The following SRGAP1 variants were observed in gnomAD, a reference collection of about 807,000 sequenced individuals.
SRGAP1 encodes SLIT-ROBO Rho GTPase-activating protein 1.
Under a neutral mutation model 121.9 loss-of-function variants are expected in SRGAP1, and 43 were observed. The ratio of observed to expected loss-of-function variants is 0.35; its 90% confidence interval spans 0.28 to 0.46. The LOEUF (loss-of-function observed/expected upper bound fraction) is 0.46. Ranked by LOEUF, SRGAP1 falls within the 20% of genes least tolerant of loss-of-function variation. The probability of loss-of-function intolerance (pLI) is 1.00; values close to 1 mark genes in which losing one functional copy is unlikely to be tolerated. For missense variants in SRGAP1, 1,102 were observed against 1,350.9 expected (o/e 0.82, Z 2.89); for synonymous variants, 447 against 485.4 (o/e 0.92, Z 1.04).
intron 8 of SRGAP1, among the ~76,000 whole-genome samples, chr12:64,074,559 G>T (rs2035700098): frequency 6.6e-6 from 1 of 152,018 alleles, no homozygotes; most frequent in African/African-American, 2.4e-5. Flanking sequence ...CCTCTGCCTG[G>T]AATGCCCTTT....
At chr12:64,073,074 G>A (rs917819649) in intron 8 of SRGAP1, among the ~76,000 whole-genome samples, 1 of 152,058 alleles carries the variant, frequency 6.6e-6, no homozygotes, top group Non-Finnish European at 1.5e-5. Context: ...CATATTAGCT[G>A]TTTCATATTT....
chr12:64,055,641 G>T (rs2035326397), intron 6 of SRGAP1, among the ~76,000 whole-genome samples: 1 of 151,980 alleles, frequency 6.6e-6, no homozygotes, highest in South Asian at 2.1e-4. Flanking sequence ...GCATGGTACT[G>T]GTACCAAAAC....
intron 18 of SRGAP1, among the ~76,000 whole-genome samples, chr12:64,121,232 C>T (rs1475804656): frequency 1.3e-5 from 2 of 151,948 alleles, no homozygotes; most frequent in Non-Finnish European, 2.9e-5. Flanking sequence ...AGGCTGGTCT[C>T]AAACTCCTGG....
chr12:63,887,610 T>C (rs1245308726), intron 1 of SRGAP1: 1 of 152,184 alleles, frequency 6.6e-6, no homozygotes, highest in Non-Finnish European at 1.5e-5. Context: ...GATCATCACT[T>C]CTAGAAACTC....
chr12:64,023,700 A>C (rs993463044), intron 4 of SRGAP1, among the ~76,000 whole-genome samples: 4 of 152,200 alleles, frequency 2.6e-5, no homozygotes, highest in African/African-American at 9.7e-5. Context: ...GAGGTAACCT[A>C]TCCTCAAGTT....
intron 12 of SRGAP1, among the ~76,000 whole-genome samples, chr12:64,092,833 A>G (rs1338159798): frequency 6.6e-6 from 1 of 152,202 alleles, no homozygotes; most frequent in Non-Finnish European, 1.5e-5. Flanking sequence ...GTTGTATTTG[A>G]TAATACAGTA....
intron 1 of SRGAP1, among the ~76,000 whole-genome samples, chr12:63,927,694 A>G (rs765085467): frequency 2.6e-5 from 4 of 151,944 alleles, no homozygotes; most frequent in Non-Finnish European, 5.9e-5. Context: ...TGTTTCCTTT[A>G]TGGGCTCATG....
intron 15 of SRGAP1, among the ~76,000 whole-genome samples, chr12:64,098,669 C>CAAA (rs569203182): frequency 4.9e-5 from 7 of 143,138 alleles, no homozygotes; most frequent in African/African-American, 1.1e-4. Context: ...GACTCTGTCT[C>CAAA]AAAAAAAAAT....
At chr12:63,911,142 A>G (rs1034811436) in intron 1 of SRGAP1, among the ~76,000 whole-genome samples, 19 of 151,960 alleles carry the variant, frequency 1.3e-4, no homozygotes, top group African/African-American at 4.6e-4. Context: ...TACTAAAAAC[A>G]CAAAAAATTA....
intron 1 of SRGAP1, among the ~76,000 whole-genome samples, chr12:63,849,102 C>G (rs1009313535): frequency 1.3e-5 from 2 of 152,114 alleles, no homozygotes; most frequent in African/African-American, 2.4e-5. Flanking sequence ...GTCAAATTCT[C>G]AAAGACTTAG....
chr12:64,063,090 G>T lies in SRGAP1; in HGVS notation c.975G>T (p.Ala325=), dbSNP rs745401734. ...KQRFMEMYPA[A]FCPPMKFEFQ... is the part of the protein sequence containing the mutation. ...GATTCATGGAGATGTACCCTGCTGCGTTCTGTCCACCAATGAAGTTTGAGT... is the reference window on the plus strand; with the variant it reads ...GATTCATGGAGATGTACCCTGCTGCTTTCTGTCCACCAATGAAGTTTGAGT... The change falls in exon 7 of 22, where the codon GCG becomes GCT. Residue 325 remains alanine, a synonymous_variant. Coordinates refer to ENST00000355086, the MANE Select transcript of SRGAP1 (RefSeq NM_020762.4). 6.2e-7 allele frequency: 1 copy of T among 1,614,030 alleles called. No homozygotes were observed. Among genetic ancestry groups the T allele is most frequent in the Non-Finnish European group, 8.5e-7 (1 of 1,179,952 alleles).
At chr12:64,065,245 C>G (rs769709280) in intron 8 of SRGAP1, 26 bp downstream of exon 8, 26 of 1,556,568 alleles carry the variant, frequency 1.7e-5, no homozygotes, top group Non-Finnish European at 2.3e-5. Flanking sequence ...TCCTGCCACA[C>G]CAGTAATCTG....
intron 1 of SRGAP1, among the ~76,000 whole-genome samples, chr12:63,919,162 C>T (rs2030926240): frequency 1.3e-5 from 2 of 152,034 alleles, no homozygotes; most frequent in African/African-American, 4.8e-5. Flanking sequence ...GAGTGATTCT[C>T]CCACCTCAGT....
Position 64,161,790 on chromosome 12 carries a change from C to T in SRGAP1, c.*19118C>T, listed in dbSNP as rs2136671944. 1 of 152,088 alleles carries T rather than the reference C, an allele frequency of 6.6e-6. No individual in the cohort carries two copies. The highest frequency in any genetic ancestry group is 1.9e-4 in the East Asian group (1 of 5,172). 9.4% of individuals were successfully genotyped at this position (152,088 alleles called of 1,614,324 possible). On this transcript the variant is annotated 3_prime_UTR_variant, in exon 22 of 22. Coordinates refer to ENST00000355086, the MANE Select transcript of SRGAP1 (RefSeq NM_020762.4). ...GTCATAGCAGTATTATCCATAATAG[C>T]CAAATGATAGAAGCAATGCAAATGT...
At position 64,109,094 on chromosome 12, in the gene SRGAP1, A is replaced by T. The variant is rs1294289622; in HGVS notation, c.1919+57A>T. 4 of 1,176,964 alleles carry T rather than the reference A, an allele frequency of 3.4e-6. No individual in the cohort carries two copies. In the Admixed American group the frequency reaches 8.8e-5, roughly 26 times the overall value. 72.9% of individuals were successfully genotyped at this position (1,176,964 alleles called of 1,614,324 possible). A position where few individuals can be genotyped will look rare whatever the true frequency, so the allele number is the denominator to read the frequency against. On this transcript the variant is annotated intron_variant, in intron 16 of 21. Transcript: ENST00000355086. ...ATCTGAATTCTGTCTTTGTTCTTCGATCCTGTAAAATGTACGTTGGGTTCC... is the reference window on the plus strand; with the variant it reads ...ATCTGAATTCTGTCTTTGTTCTTCGTTCCTGTAAAATGTACGTTGGGTTCC...
intron 6 of SRGAP1, among the ~76,000 whole-genome samples, chr12:64,045,020 G>A (rs1437831641): frequency 1.3e-5 from 2 of 151,660 alleles, no homozygotes; most frequent in East Asian, 1.9e-4. Flanking sequence ...TTTTCTTTTC[G>A]TCTCAAAACA....
intron 1 of SRGAP1, among the ~76,000 whole-genome samples, chr12:63,895,709 G>A (rs888048059): frequency 6.6e-6 from 1 of 152,168 alleles, no homozygotes; most frequent in Non-Finnish European, 1.5e-5. Flanking sequence ...CTCCTACAAT[G>A]TCCGTAAAAT....
intron 3 of SRGAP1, among the ~76,000 whole-genome samples, chr12:64,008,598 A>G (rs538026161): frequency 2.6e-5 from 4 of 152,156 alleles, no homozygotes; most frequent in Admixed American, 2.6e-4. Flanking sequence ...GTTTTTGAAG[A>G]TGCGTAAATC....
chr12:64,026,383 C>T (rs1005483397), intron 4 of SRGAP1, among the ~76,000 whole-genome samples: 1 of 151,990 alleles, frequency 6.6e-6, no homozygotes, highest in African/African-American at 2.4e-5. Flanking sequence ...TGAAATTGGA[C>T]CAGAAATGTT....
Sources: allele counts gnomAD v4.1 joint callset (sites outside exome capture counted in the v4.1 genomes callset), GRCh38; gene constraint gnomAD v4.1.1; transcripts MANE v1.5; gene names NCBI Gene and HGNC (gene_info 2026-07-23, HGNC 2026-07-21).